The following INO80 variants were observed in gnomAD, a reference collection of about 807,000 sequenced individuals.
INO80 encodes chromatin-remodeling ATPase INO80.
A neutral mutation model predicts 203.4 loss-of-function variants in INO80; 20 were observed. The ratio of observed to expected loss-of-function variants is 0.10; its 90% confidence interval spans 0.07 to 0.14. The LOEUF is 0.14. INO80 is among the 10% of genes least tolerant of loss of function. The pLI is 1.00. For missense variants in INO80, 1,419 were observed against 1,914.4 expected, an observed-to-expected ratio of 0.74 and a Z score of 4.83; for synonymous variants, 726 against 685.2, an observed-to-expected ratio of 1.06 and a Z score of -0.93.
At chr15:41,082,427 G>A (rs900938341) in intron 7 of INO80, among the ~76,000 whole-genome samples, 2 of 148,522 alleles carry the variant, frequency 1.3e-5, no homozygotes, top group African/African-American at 4.9e-5. Context: ...TGGGCCGGGC[G>A]TGGTGGCTCA....
At chr15:41,086,308 A>G (rs1282362256) in intron 6 of INO80, among the ~76,000 whole-genome samples, 1 of 152,130 alleles carries the variant, frequency 6.6e-6, no homozygotes, top group African/African-American at 2.4e-5. Context: ...ACACTAATAA[A>G]GATAATAGAG....
At chr15:41,108,291 T>C (rs539514190) in intron 1 of INO80, among the ~76,000 whole-genome samples, 5 of 151,016 alleles carry the variant, frequency 3.3e-5, no homozygotes, top group East Asian at 2.0e-4. Flanking sequence ...GCTGAATCCA[T>C]TGAAAAGCCA....
intron 17 of INO80, among the ~76,000 whole-genome samples, chr15:41,056,352 A>T (rs1191987960): frequency 6.6e-6 from 1 of 152,206 alleles, no homozygotes; most frequent in Non-Finnish European, 1.5e-5. Flanking sequence ...TAGCAAAAAC[A>T]CGTCTCTGCA....
chr15:41,090,420 G>A (rs374302236), intron 5 of INO80, among the ~76,000 whole-genome samples: 126 of 151,740 alleles, frequency 8.3e-4, no homozygotes, highest in African/African-American at 2.9e-3. Context: ...TACTAAAAAC[G>A]CAAAAAAAAA....
intron 30 of INO80, 87 bp downstream of exon 30, chr15:40,987,729 G>C (rs1012917406): frequency 5.6e-6 from 7 of 1,239,598 alleles, no homozygotes; most frequent in Admixed American, 4.4e-5. Flanking sequence ...AAAGGCAAGA[G>C]AGTTTTAAAA....
At chr15:41,031,057 GT>G (rs1441705034) in intron 24 of INO80, among the ~76,000 whole-genome samples, 1 of 152,140 alleles carries the variant, frequency 6.6e-6, no homozygotes, top group Non-Finnish European at 1.5e-5. Context: ...CTGATTCCAG[GT>G]TTTAAAAAAT....
At chr15:41,043,352 C>T (rs1020113581) in intron 24 of INO80, among the ~76,000 whole-genome samples, 1 of 152,170 alleles carries the variant, frequency 6.6e-6, no homozygotes, top group African/African-American at 2.4e-5. Flanking sequence ...AGCAACTCTT[C>T]AGACATACCA....
intron 29 of INO80, among the ~76,000 whole-genome samples, chr15:40,992,767 G>A: frequency 6.6e-6 from 1 of 152,124 alleles, no homozygotes; most frequent in East Asian, 1.9e-4. Flanking sequence ...AATTACTTCA[G>A]AATTCAGAAA....
chr15:41,056,102 C>T (rs545493845), intron 17 of INO80, among the ~76,000 whole-genome samples: 4 of 152,070 alleles, frequency 2.6e-5, no homozygotes, highest in African/African-American at 9.6e-5. Context: ...CACCACTATG[C>T]CTGGCTAATT....
chr15:41,011,888 A>G (rs2044138047), intron 27 of INO80, among the ~76,000 whole-genome samples: 1 of 152,204 alleles, frequency 6.6e-6, no homozygotes, highest in Non-Finnish European at 1.5e-5. Flanking sequence ...GATTACCTGG[A>G]TTTAATTCTA....
In INO80 at chr15:41,072,534, C is replaced by G. The variant is rs551524327; in HGVS notation, c.1396-476G>C. ...AGGAGATCGAGACCATCCTGGCCAA[C>G]ATGGTGAAACCCCGTCTCTACTAAA... is the stretch of plus-strand genomic sequence containing the variant. On this transcript the variant is annotated intron_variant, in intron 11 of 35. Transcript: ENST00000648947. 8.0e-5 allele frequency among the ~76,000 whole-genome samples: 12 copies of G among 149,846 alleles called. No homozygotes were observed. In the South Asian group the frequency reaches 2.5e-3, roughly 31 times the overall value.
chr15:40,988,971 C>T (rs2043779655), intron 29 of INO80, among the ~76,000 whole-genome samples: 1 of 151,144 alleles, frequency 6.6e-6, no homozygotes, highest in South Asian at 2.1e-4. Flanking sequence ...GCCGACACTG[C>T]ATCACTGCAC....
chr15:41,071,129 A>C (rs534914880), intron 12 of INO80, among the ~76,000 whole-genome samples: 1 of 152,298 alleles, frequency 6.6e-6, no homozygotes, highest in South Asian at 2.1e-4. Context: ...TAAACGCACC[A>C]CTCCACTTCA....
intron 19 of INO80, among the ~76,000 whole-genome samples, chr15:41,052,616 T>C (rs991208800): frequency 5.6e-5 from 8 of 143,578 alleles, no homozygotes; most frequent in African/African-American, 2.1e-4. Flanking sequence ...AAAGCTGAAG[T>C]GAGCCGTGAT....
At chr15:41,073,003 T>C (rs2045347723) in intron 11 of INO80, among the ~76,000 whole-genome samples, 1 of 151,956 alleles carries the variant, frequency 6.6e-6, no homozygotes, top group Admixed American at 6.6e-5. Context: ...ATGGTCTCGA[T>C]CTCCTGACCT....
intron 27 of INO80, among the ~76,000 whole-genome samples, chr15:41,007,912 G>A (rs966969660): frequency 6.6e-6 from 1 of 152,152 alleles, no homozygotes; most frequent in Non-Finnish European, 1.5e-5. Flanking sequence ...AGTGGCTCAC[G>A]CCTGTAATCC....
chr15:40,985,337 C>G lies in INO80; in HGVS notation c.3921+1G>C. On this transcript the variant is annotated splice_donor_variant, in intron 32 of 35. Transcript: ENST00000648947. LOFTEE classifies it high-confidence loss of function. Reference sequence around the variant, plus strand: ...TATCCACCATTCCAGGCTGGAAATACCTTCTCTGCATACTTTTCCCGCTTC... The same window carrying G: ...TATCCACCATTCCAGGCTGGAAATAGCTTCTCTGCATACTTTTCCCGCTTC... 1 of 1,612,516 alleles carries G rather than the reference C, an allele frequency of 6.2e-7. No homozygotes were observed. Among genetic ancestry groups the G allele is most frequent in the African/African-American group, 1.3e-5 (1 of 74,994 alleles).
chr15:41,019,548 A>G (rs1390051791), intron 26 of INO80: 1 of 152,230 alleles, frequency 6.6e-6, no homozygotes, highest in Non-Finnish European at 1.5e-5. Context: ...AGAACCAAGA[A>G]GGGAGAAAAA....
rs7172365 is a variant in INO80 at position 41,032,043 on chromosome 15, C to G, written c.2908-4307G>C. 3.1e-3 allele frequency among the ~76,000 whole-genome samples: 280 copies of G among 90,824 alleles called. 1 individual carries two copies. Among genetic ancestry groups the G allele is most frequent in the African/African-American group, 9.2e-3 (201 of 21,782 alleles). 59.6% of individuals were successfully genotyped at this position (90,824 alleles called of 152,430 possible). A position where few individuals can be genotyped will look rare whatever the true frequency, so the allele number is the denominator to read the frequency against. ...CACAGCACAGCACAGCACAGCACAG[C>G]ACAGCACAGCACAGCACAGGACAGC... On this transcript the variant is annotated intron_variant, in intron 24 of 35. Coordinates refer to ENST00000648947, the MANE Select transcript of INO80 (RefSeq NM_017553.3).
Sources: allele counts gnomAD v4.1 joint callset (sites outside exome capture counted in the v4.1 genomes callset), GRCh38; gene constraint gnomAD v4.1.1; transcripts MANE v1.5; gene names NCBI Gene and HGNC (gene_info 2026-07-23, HGNC 2026-07-21).